Variants in CSPG5 observed in about 807,000 individuals in gnomAD.
The protein encoded by CSPG5 is chondroitin sulfate proteoglycan 5.
CSPG5 carries 25 observed loss-of-function variants against 39.8 expected under a neutral mutation model. That is an observed-to-expected ratio of 0.63 (90% CI 0.46 to 0.88). CSPG5 has a LOEUF of 0.88. CSPG5 is among the 40% of genes least tolerant of loss of function. The pLI is 0.00. For missense variants in CSPG5, 627 were observed against 702.2 expected (o/e 0.89, Z 1.21); for synonymous variants, 295 against 303.9 (o/e 0.97, Z 0.31).
chr3:47,562,894 A>T, intron 4 of CSPG5, 133 bp from the exon 5 acceptor site: 1 of 939,856 alleles, frequency 1.1e-6, no homozygotes, highest in Non-Finnish European at 1.5e-6. Context: ...AATGAACTAA[A>T]AGGAACCAAA....
rs981964226 is a variant in CSPG5, at chr3:47,562,495, G to T, written c.*105C>A. On this transcript the variant is annotated 3_prime_UTR_variant, in exon 5 of 5. Coordinates refer to ENST00000264723, the MANE Select transcript of CSPG5 (RefSeq NM_006574.4). ...ATGCCATGAGATCAGAAAAAGAAAA[G>T]AGTTTAACAAATGGTTACAAGAAAT... The T allele has an allele frequency of 2.6e-6, 3 of 1,138,898 alleles. No individual in the cohort carries two copies. The highest frequency in any genetic ancestry group is 3.7e-6 in the Non-Finnish European group (3 of 808,212). 70.5% of individuals were successfully genotyped at this position (1,138,898 alleles called of 1,614,324 possible).
In CSPG5 at chr3:47,562,704, C is replaced by T; in HGVS notation, c.1516G>A (p.Glu506Lys). Residue 506 changes from glutamate to lysine, a missense_variant, in exon 5 of 5, where the codon GAG becomes AAG. By Grantham distance (56) the Glu-to-Lys change is moderately conservative. Coordinates refer to ENST00000264723, the MANE Select transcript of CSPG5 (RefSeq NM_006574.4). ...QEVLKSCLKE[E>K]ESFNIQNSMS... is the part of the protein sequence containing the mutation. ...GAGTTCTGGATGTTAAATGACTCCT[C>T]CTCTTTCAGGCAGGACTTGAGAACC... The T allele has an allele frequency of 6.2e-7, 1 of 1,614,084 alleles. No individual in the cohort carries two copies. The highest frequency in any genetic ancestry group is 8.5e-7 in the Non-Finnish European group (1 of 1,180,000).
chr3:47,577,008 T>A lies in CSPG5; in HGVS notation c.1018A>T (p.Arg340Trp). The change falls in exon 2 of 5, where the codon AGG becomes TGG. Residue 340 changes from arginine to tryptophan, a missense_variant. Physicochemically the swap from Arg to Trp is moderately radical, Grantham distance 101 (BLOSUM62 -3). Transcript: ENST00000264723. The surrounding 1 kb of genome is among the most constrained non-coding windows in gnomAD (Gnocchi z 4.7). Reference sequence around the variant, plus strand: ...CTGCCTGGCTCTCCTGGGCGGGGCCTGAGGGCGATGCTGCTGCCGGGGACC... The same window carrying A: ...CTGCCTGGCTCTCCTGGGCGGGGCCAGAGGGCGATGCTGCTGCCGGGGACC... ...GSVPGSSIAL[R>W]PRPGEPGRDL... The A allele has an allele frequency of 1.9e-6, 3 of 1,613,144 alleles. No homozygotes were observed. Among genetic ancestry groups the A allele is most frequent in the Non-Finnish European group, 2.5e-6 (3 of 1,179,534 alleles).
intron 4 of CSPG5, 94 bp from the exon 5 acceptor site, chr3:47,562,855 C>A: frequency 7.7e-7 from 1 of 1,300,538 alleles, no homozygotes; most frequent in Admixed American, 2.6e-5. Context: ...GGAAGCATCA[C>A]TGAAACAAGG....
chr3:47,564,388 A>C (rs936493172), intron 4 of CSPG5, among the ~76,000 whole-genome samples: 1 of 152,168 alleles, frequency 6.6e-6, no homozygotes, highest in African/African-American at 2.4e-5. Flanking sequence ...GCATATGGAA[A>C]TCACTGCCAG....
chr3:47,570,756 G>A (rs1289088767), intron 3 of CSPG5, among the ~76,000 whole-genome samples: 2 of 152,048 alleles, frequency 1.3e-5, no homozygotes, highest in African/African-American at 2.4e-5. Flanking sequence ...TCCACCCATC[G>A]TGATCCACCT....
chr3:47,577,826 G>A lies in CSPG5; in HGVS notation c.200C>T (p.Ala67Val), dbSNP rs2031826267. 4 of 1,568,064 alleles carry A rather than the reference G, an allele frequency of 2.6e-6. No individual in the cohort carries two copies. The Admixed American group carries it at 7.3e-5, about 29-fold the overall frequency. Residue 67 changes from alanine to valine, a missense_variant, in exon 2 of 5, where the codon GCG (alanine) becomes GTG (valine). Coordinates refer to ENST00000264723, the MANE Select transcript of CSPG5 (RefSeq NM_006574.4). The surrounding 1 kb of genome is among the most constrained non-coding windows in gnomAD (Gnocchi z 4.7). ...CCACGACGCCTCATCTTCCCCAGCC[G>A]CTGGTGGGCCGGCTTCTTCCCGCGT... ...NDTREEAGPP[A>V]AGEDEASWTA... is the part of the protein sequence containing the mutation.
chr3:47,572,328 G>C lies in CSPG5; in HGVS notation c.1382+358C>G, dbSNP rs2031556617. ...CTGGCTGTCACAGTCCAGGGAAGAA[G>C]GGTCTATCAGGCAGGTGGGCAGACT... On this transcript the variant is annotated intron_variant, in intron 3 of 4. Transcript: ENST00000264723. The surrounding 1 kb of genome is among the most constrained non-coding windows in gnomAD (Gnocchi z 4.5). Among the ~76,000 whole-genome samples the C allele has an allele frequency of 6.6e-6, 1 of 152,220 alleles. No individual in the cohort carries two copies. The highest frequency in any genetic ancestry group is 1.5e-5 in the Non-Finnish European group (1 of 68,032).
Position 47,562,551 on chromosome 3 carries a change from T to TG in CSPG5, c.*48_*49insC. 2 of 1,518,942 alleles carry TG rather than the reference T, an allele frequency of 1.3e-6. No individual in the cohort carries two copies. The highest frequency in any genetic ancestry group is 1.8e-6 in the Non-Finnish European group (2 of 1,103,888). 94.1% of individuals were successfully genotyped at this position (1,518,942 alleles called of 1,614,324 possible). A position where few individuals can be genotyped will look rare whatever the true frequency, so the allele number is the denominator to read the frequency against. ...CTGTACAAGAGGAGATAATGTTTCT[T>TG]CCCCTACCCCCCACCCACTACCCCC... On this transcript the variant is annotated 3_prime_UTR_variant, in exon 5 of 5. Transcript: ENST00000264723.
chr3:47,566,821 C>T (rs1179945003), intron 4 of CSPG5, among the ~76,000 whole-genome samples: 2 of 152,194 alleles, frequency 1.3e-5, no homozygotes, highest in South Asian at 2.1e-4. Flanking sequence ...CCACTATGGC[C>T]GACCAGCCTC....
intron 2 of CSPG5, among the ~76,000 whole-genome samples, chr3:47,576,461 G>GTTTTT (rs397769662): frequency 1.5e-5 from 2 of 135,320 alleles, no homozygotes; most frequent in Non-Finnish European, 1.6e-5. Context: ...GTTTTGTTTT[G>GTTTTT]TTTTTTTTTT....
chr3:47,578,687 G>A lies in CSPG5; in HGVS notation c.7C>T (p.Arg3Ter). Residue 3 changes from arginine to a stop codon, truncating the protein, a stop_gained, in exon 1 of 5, where the codon CGA becomes TGA. Transcript: ENST00000264723. LOFTEE classifies it high-confidence loss of function. The surrounding 1 kb of genome is among the most constrained non-coding windows in gnomAD (Gnocchi z 6.0). ...CGGCCCGGGCCCCCGCCCCCGGCTCGCCCCATGGCGCGGCGCCCCGACCGC... is the reference window on the plus strand; with the variant it reads ...CGGCCCGGGCCCCCGCCCCCGGCTCACCCCATGGCGCGGCGCCCCGACCGC... The part of the protein sequence containing the change: MG[R>*]AGGGGPGRGP... 2.0e-6 allele frequency: 2 copies of A among 1,013,374 alleles called. No homozygotes were observed. Among genetic ancestry groups the A allele is most frequent in the Non-Finnish European group, 2.4e-6 (2 of 829,822 alleles). 62.8% of individuals were successfully genotyped at this position (1,013,374 alleles called of 1,614,324 possible).
Position 47,578,545 on chromosome 3 carries a change from GC to G in CSPG5, c.97+51del. ...TGTCCCCGCCGCCAGCGGGACCCCT[GC>G]CCTGGGTGGGGCACGAGGGCCGCGG... is the stretch of plus-strand genomic sequence containing the variant. On this transcript the variant is annotated intron_variant, in intron 1 of 4. Coordinates refer to ENST00000264723, the MANE Select transcript of CSPG5 (RefSeq NM_006574.4). This position sits in a 1 kb window ranked among gnomAD's most constrained non-coding sequence, Gnocchi z 6.0. 1 of 637,108 alleles carries G rather than the reference GC, an allele frequency of 1.6e-6. No homozygotes were observed. Among genetic ancestry groups the G allele is most frequent in the Non-Finnish European group, 2.1e-6 (1 of 471,420 alleles). 39.5% of individuals were successfully genotyped at this position (637,108 alleles called of 1,614,324 possible). A position where few individuals can be genotyped will look rare whatever the true frequency, so the allele number is the denominator to read the frequency against.
rs1368891764 is a variant in CSPG5 at position 47,578,398 on chromosome 3, A to G, written c.97+199T>C. ...GCGCGCTTGGGTCCCGGCTACCCCAACCGGGGTCGGCCCCCACGCGGGTCG... is the reference window on the plus strand; with the variant it reads ...GCGCGCTTGGGTCCCGGCTACCCCAGCCGGGGTCGGCCCCCACGCGGGTCG... On this transcript the variant is annotated intron_variant, in intron 1 of 4. Coordinates refer to ENST00000264723, the MANE Select transcript of CSPG5 (RefSeq NM_006574.4). The surrounding 1 kb of genome is among the most constrained non-coding windows in gnomAD (Gnocchi z 6.0). 1.1e-4 allele frequency among the ~76,000 whole-genome samples: 15 copies of G among 131,464 alleles called. No individual in the cohort carries two copies. Among genetic ancestry groups the G allele is most frequent in the African/African-American group, 2.0e-4 (7 of 34,628 alleles). The allele number at this position is 131,464 out of a possible 152,430, so 86.2% of individuals were successfully genotyped here. A position where few individuals can be genotyped will look rare whatever the true frequency, so the allele number is the denominator to read the frequency against.
chr3:47,574,921 AGAGT>A (rs1320538973), intron 2 of CSPG5, among the ~76,000 whole-genome samples: 2 of 152,224 alleles, frequency 1.3e-5, no homozygotes, highest in African/African-American at 4.8e-5. Flanking sequence ...CCTGGACGAC[AGAGT>A]GAGACTCCGT....
chr3:47,571,832 C>T (rs573573533), intron 3 of CSPG5, among the ~76,000 whole-genome samples: 1 of 152,214 alleles, frequency 6.6e-6, no homozygotes, highest in Non-Finnish European at 1.5e-5. Flanking sequence ...GGAAGCTGAA[C>T]TCCAATCTCC....
At chr3:47,568,354 C>A (rs2031391071) in intron 4 of CSPG5, among the ~76,000 whole-genome samples, 1 of 152,128 alleles carries the variant, frequency 6.6e-6, no homozygotes, top group South Asian at 2.1e-4. Context: ...CTAATCCAGG[C>A]AATACACTAG....
chr3:47,577,508 A>G lies in CSPG5; in HGVS notation c.518T>C (p.Leu173Ser). 1 of 1,613,122 alleles carries G rather than the reference A, an allele frequency of 6.2e-7. No homozygotes were observed. Residue 173 changes from leucine to serine, a missense_variant, in exon 2 of 5, where the codon TTG becomes TCG. Transcript: ENST00000264723. The surrounding 1 kb of genome is among the most constrained non-coding windows in gnomAD (Gnocchi z 4.7). ...GCCCCCCAGGTTCAGCCAAACCTCC[A>G]AGGGGCTCTCCTTGGGGAGTTCAGA... ...PASELPKESP[L>S]EVWLNLGGST... is the part of the protein sequence containing the mutation.
chr3:47,576,407 G>A (rs928146581), intron 2 of CSPG5, among the ~76,000 whole-genome samples: 7 of 151,624 alleles, frequency 4.6e-5, no homozygotes, highest in East Asian at 1.9e-4. Flanking sequence ...GGAATCCTGC[G>A]ACTGTACAAC....
Sources: gnomAD v4.1 joint callset for allele counts (sites outside exome capture counted in the v4.1 genomes callset) on GRCh38, gnomAD v4.1.1 for gene constraint, Gnocchi (gnomAD v3.1) non-coding constraint, MANE v1.5 for transcripts, NCBI Gene and HGNC (gene_info 2026-07-23, HGNC 2026-07-21) for gene names.